Variants in EFR3A observed in about 807,000 individuals in gnomAD.
EFR3A encodes protein EFR3 homolog A.
In EFR3A, 76 loss-of-function variants were observed where a neutral mutation model predicts 104.4. The ratio of observed to expected loss-of-function variants is 0.73; its 90% CI spans 0.60 to 0.88. EFR3A has a LOEUF of 0.88. Among genes scored for constraint, EFR3A ranks in the 40% least tolerant of loss-of-function variants. The pLI is 0.00. For synonymous variants in EFR3A, 330 were observed against 330.0 expected, an observed-to-expected ratio of 1.00 and a Z score of 0.00; for missense variants, 985 against 1,012.5, an observed-to-expected ratio of 0.97 and a Z score of 0.37.
chr8:131,986,619 A>G (rs931993107), intron 17 of EFR3A, among the ~76,000 whole-genome samples: 1 of 151,960 alleles, frequency 6.6e-6, no homozygotes, highest in Non-Finnish European at 1.5e-5. Context: ...CCCCGTCTCT[A>G]CTAAAAAATA....
rs747696119 is a variant in EFR3A at position 131,970,681 on chromosome 8, C to T, written c.1159+38C>T. ...CACTTTTCAAAACTATCATGTAAAA[C>T]AGTGATTTACAAAGCTCTCACATAA... On this transcript the variant is annotated intron_variant, in intron 10 of 22. Transcript: ENST00000254624. 3.2e-6 allele frequency: 5 copies of T among 1,573,010 alleles called. No individual in the cohort carries two copies. The Admixed American group carries it at 8.9e-5, about 28-fold the overall frequency.
intron 1 of EFR3A, among the ~76,000 whole-genome samples, chr8:131,915,460 A>G (rs988658762): frequency 3.3e-5 from 5 of 152,210 alleles, no homozygotes; most frequent in African/African-American, 1.2e-4. Context: ...TTTTGGGCCT[A>G]CATTTGTAAA....
At chr8:131,934,637 A>ATG (rs958379391) in intron 1 of EFR3A, among the ~76,000 whole-genome samples, 6 of 152,028 alleles carry the variant, frequency 3.9e-5, no homozygotes, top group African/African-American at 1.4e-4. Flanking sequence ...ACATATGTGT[A>ATG]TGTGTGTATA....
Position 131,940,483 on chromosome 8 carries a change from T to G in EFR3A, c.11-16T>G, listed in dbSNP as rs943309502. On this transcript the variant is annotated splice_polypyrimidine_tract_variant and intron_variant, in intron 1 of 22. Transcript: ENST00000254624. ...TTAATAATATCTGTATTTCTTGATT[T>G]TTTTTTTTTTAACAGGAGTATGCTG... 1.3e-6 allele frequency: 2 copies of G among 1,568,568 alleles called. No homozygotes were observed. The highest frequency in any genetic ancestry group is 1.7e-6 in the Non-Finnish European group (2 of 1,157,536).
chr8:131,935,228 A>G (rs1471502473), intron 1 of EFR3A, among the ~76,000 whole-genome samples: 1 of 152,118 alleles, frequency 6.6e-6, no homozygotes, highest in Non-Finnish European at 1.5e-5. Flanking sequence ...TACTTTATTG[A>G]TTTTTATAGC....
chr8:131,974,134 C>A (rs1485282308), intron 10 of EFR3A, among the ~76,000 whole-genome samples: 1 of 152,050 alleles, frequency 6.6e-6, no homozygotes, highest in East Asian at 1.9e-4. Flanking sequence ...GCTTGGACTC[C>A]CACCCCCAGA....
Position 131,937,471 on chromosome 8 carries a change from A to G in EFR3A, c.11-3028A>G, listed in dbSNP as rs564489895. On this transcript the variant is annotated intron_variant, in intron 1 of 22. Transcript: ENST00000254624. Reference sequence around the variant, plus strand: ...AATTTATCCACTGTGTCTGAATTCTATTTTCCCAAAGTTATCCCACTTGAG... The same window carrying G: ...AATTTATCCACTGTGTCTGAATTCTGTTTTCCCAAAGTTATCCCACTTGAG... Among the ~76,000 whole-genome samples the G allele has an allele frequency of 9.2e-5, 14 of 152,132 alleles. No homozygotes were observed. In the East Asian group the frequency reaches 1.2e-3, roughly 13 times the overall value.
rs1163770635 is a variant in EFR3A at position 131,940,594 on chromosome 8, A to C, written c.87+19A>C. ...TCCAAAAGTAATTTGATCTACATCTACTGATCCTTCTCTTTGCTGACCCAT... is the reference window on the plus strand; with the variant it reads ...TCCAAAAGTAATTTGATCTACATCTCCTGATCCTTCTCTTTGCTGACCCAT... On this transcript the variant is annotated intron_variant, in intron 2 of 22. Transcript: ENST00000254624. 1 of 1,595,060 alleles carries C rather than the reference A, an allele frequency of 6.3e-7. No homozygotes were observed. The highest frequency in any genetic ancestry group is 1.3e-5 in the African/African-American group (1 of 74,346).
chr8:131,924,804 T>C (rs1158467004), intron 1 of EFR3A, among the ~76,000 whole-genome samples: 1 of 152,168 alleles, frequency 6.6e-6, no homozygotes. Flanking sequence ...TTGGCTGAGC[T>C]CGTCTTTTAC....
At chr8:131,910,886 G>A (rs1344720849) in intron 1 of EFR3A, among the ~76,000 whole-genome samples, 3 of 152,118 alleles carry the variant, frequency 2.0e-5, no homozygotes, top group Non-Finnish European at 4.4e-5. Context: ...TAAGGAAAGG[G>A]GTCCCAGACA....
intron 1 of EFR3A, among the ~76,000 whole-genome samples, chr8:131,939,563 C>T (rs1223338743): frequency 6.6e-6 from 1 of 152,064 alleles, no homozygotes; most frequent in Non-Finnish European, 1.5e-5. Context: ...AACAAAATTT[C>T]CCATTCTTAC....
intron 8 of EFR3A, among the ~76,000 whole-genome samples, chr8:131,965,355 CA>C (rs1245759869): frequency 6.6e-6 from 1 of 152,024 alleles, no homozygotes; most frequent in Non-Finnish European, 1.5e-5. Flanking sequence ...ACAAAGAACT[CA>C]AAACAAGTTT....
Position 131,977,124 on chromosome 8 carries a change from T to A in EFR3A, c.1326+32T>A, listed in dbSNP as rs762182161. ...CATTTAAGACAAATAAAGGACACAC[T>A]TAACCTTAAATTACTGAAAACATTA... On this transcript the variant is annotated intron_variant, in intron 12 of 22. Transcript: ENST00000254624. The A allele has an allele frequency of 6.6e-6, 10 of 1,513,928 alleles. 1 individual carries two copies. In the South Asian group the frequency reaches 1.1e-4, roughly 17 times the overall value. The allele number at this position is 1,513,928 out of a possible 1,614,324, so 93.8% of individuals were successfully genotyped here. A position where few individuals can be genotyped will look rare whatever the true frequency, so the allele number is the denominator to read the frequency against.
intron 14 of EFR3A, among the ~76,000 whole-genome samples, chr8:131,980,999 T>G (rs528824887): frequency 5.6e-4 from 82 of 146,608 alleles, no homozygotes; most frequent in African/African-American, 2.0e-3. Flanking sequence ...TCCTCTAGTG[T>G]AAGGCTGAAT....
At chr8:131,929,599 C>A (rs572459813) in intron 1 of EFR3A, among the ~76,000 whole-genome samples, 2 of 152,132 alleles carry the variant, frequency 1.3e-5, no homozygotes, top group Non-Finnish European at 2.9e-5. Flanking sequence ...CACCAGACTA[C>A]GAGCTACTAA....
chr8:131,992,655 G>A (rs763165496), intron 18 of EFR3A, among the ~76,000 whole-genome samples: 1 of 152,196 alleles, frequency 6.6e-6, no homozygotes, highest in Non-Finnish European at 1.5e-5. Context: ...GCGATGTGAT[G>A]TTCAGATAGG....
At position 131,989,412 on chromosome 8, in the gene EFR3A, G is replaced by A. The variant is rs73349384; in HGVS notation, c.2065+1710G>A. On this transcript the variant is annotated intron_variant, in intron 18 of 22. Coordinates refer to ENST00000254624, the MANE Select transcript of EFR3A (RefSeq NM_015137.6). Reference sequence around the variant, plus strand: ...CCATTTATTATGCACTGTGTGCTAGGCACTGTGATAAGTGCTTAGTATTCA... The same window carrying A: ...CCATTTATTATGCACTGTGTGCTAGACACTGTGATAAGTGCTTAGTATTCA... Among the ~76,000 whole-genome samples, 853 of 152,228 alleles carry A rather than the reference G, an allele frequency of 5.6e-3. 10 individuals carry two copies. Among genetic ancestry groups the A allele is most frequent in the African/African-American group, 0.02 (811 of 41,542 alleles).
In EFR3A at chr8:131,914,989, T is replaced by C. The variant is rs572278952; in HGVS notation, c.10+10667T>C. 2.6e-5 allele frequency among the ~76,000 whole-genome samples: 4 copies of C among 152,308 alleles called. No homozygotes were observed. In the East Asian group the frequency reaches 7.7e-4, roughly 29 times the overall value. ...GTTCCCACAAAAGACATGATCTCCTTCTTTATTATGGCTGCATAGTATTCC... is the reference window on the plus strand; with the variant it reads ...GTTCCCACAAAAGACATGATCTCCTCCTTTATTATGGCTGCATAGTATTCC... On this transcript the variant is annotated intron_variant, in intron 1 of 22. Coordinates refer to ENST00000254624, the MANE Select transcript of EFR3A (RefSeq NM_015137.6).
At chr8:131,943,817 G>A (rs1479210713) in intron 2 of EFR3A, among the ~76,000 whole-genome samples, 1 of 152,038 alleles carries the variant, frequency 6.6e-6, no homozygotes, top group African/African-American at 2.4e-5. Context: ...AAGCAGGGAT[G>A]TTTTGCCAGT....
Sources: gnomAD v4.1 joint callset for allele counts (sites outside exome capture counted in the v4.1 genomes callset) on GRCh38, gnomAD v4.1.1 for gene constraint, MANE v1.5 for transcripts, NCBI Gene and HGNC (gene_info 2026-07-23, HGNC 2026-07-21) for gene names.